Variants in PACS1 observed in about 807,000 individuals in gnomAD.
PACS1 encodes phosphofurin acidic cluster sorting protein 1, also known as PACS-1.
PACS1 carries 24 observed loss-of-function variants against 115.0 expected under a neutral mutation model. That is an observed-to-expected ratio of 0.21 (90% CI 0.15 to 0.29). PACS1 has a LOEUF of 0.29. Ranked by LOEUF, PACS1 falls within the 10% of genes least tolerant of loss-of-function variation. The probability of loss-of-function intolerance (pLI) is 1.00; values close to 1 mark genes in which losing one functional copy is unlikely to be tolerated. For synonymous variants in PACS1, 453 were observed against 504.5 expected (o/e 0.90, Z 1.37); for missense variants, 838 against 1,251.2 (o/e 0.67, Z 4.98).
intron 2 of PACS1, among the ~76,000 whole-genome samples, chr11:66,208,933 G>C (rs1855007613): frequency 6.6e-6 from 1 of 151,958 alleles, no homozygotes. Flanking sequence ...TGGATGTTGT[G>C]GGGTTTTTTT....
chr11:66,220,433 G>T (rs577672953), intron 8 of PACS1, 198 bp from the exon 9 acceptor site: 2 of 579,432 alleles, frequency 3.5e-6, no homozygotes, highest in East Asian at 2.9e-5. Context: ...GGCAGGAACT[G>T]GGGGGAAGGT....
intron 2 of PACS1, 139 bp downstream of exon 2, chr11:66,193,712 A>G: frequency 1.7e-6 from 1 of 583,578 alleles, no homozygotes; most frequent in South Asian, 2.4e-5. Context: ...TGGAAAGATA[A>G]CAGAGCTCAC....
At chr11:66,239,016 T>G (rs1590842897) in intron 20 of PACS1, 126 bp from the exon 21 acceptor site, 1 of 1,469,422 alleles carries the variant, frequency 6.8e-7, no homozygotes, top group Non-Finnish European at 9.4e-7. Flanking sequence ...CTGGGGGAGG[T>G]GGAAGGAGCC....
At chr11:66,168,750 ATATGTGTGTGTG>A (rs758782444) in intron 1 of PACS1, among the ~76,000 whole-genome samples, 1 of 142,652 alleles carries the variant, frequency 7.0e-6, no homozygotes, top group African/African-American at 2.8e-5. Flanking sequence ...GTATATATAT[ATATGTGTGTGTG>A]TGTGTGTGTG....
chr11:66,132,783 C>T (rs532733398), intron 1 of PACS1, among the ~76,000 whole-genome samples: 4 of 152,222 alleles, frequency 2.6e-5, no homozygotes, highest in African/African-American at 7.2e-5. Flanking sequence ...ATTCTCATGC[C>T]TTAGTCTGCT....
Position 66,242,899 on chromosome 11 carries a change from GC to G in PACS1, c.2657-12del. ...CAGGGGCTGGGACACAGGTGGCCTT[GC>G]TTGCTTTCCAGTTCCCACCATCTTC... On this transcript the variant is annotated splice_polypyrimidine_tract_variant and intron_variant, in intron 22 of 23. Transcript: ENST00000320580. 6.2e-7 allele frequency: 1 copy of G among 1,613,956 alleles called. No homozygotes were observed. The highest frequency in any genetic ancestry group is 8.5e-7 in the Non-Finnish European group (1 of 1,179,914).
At chr11:66,153,666 A>G (rs774477275) in intron 1 of PACS1, among the ~76,000 whole-genome samples, 14 of 152,140 alleles carry the variant, frequency 9.2e-5, no homozygotes, top group Admixed American at 2.6e-4. Flanking sequence ...CTGTAGTCCC[A>G]GCTACTCTGG....
At chr11:66,137,038 T>C (rs1858862781) in intron 1 of PACS1, among the ~76,000 whole-genome samples, 1 of 135,194 alleles carries the variant, frequency 7.4e-6, no homozygotes, top group Non-Finnish European at 1.6e-5. Context: ...CCCCCCACCA[T>C]TTCGTCATTT....
intron 1 of PACS1, among the ~76,000 whole-genome samples, chr11:66,122,412 G>C (rs987805626): frequency 2.6e-5 from 4 of 152,184 alleles, no homozygotes; most frequent in African/African-American, 9.7e-5. Context: ...AGCAGCCCAT[G>C]GATAAAGGAA....
At chr11:66,108,059 G>A (rs971422081) in intron 1 of PACS1, among the ~76,000 whole-genome samples, 5 of 152,158 alleles carry the variant, frequency 3.3e-5, no homozygotes, top group Non-Finnish European at 7.4e-5. Flanking sequence ...AACCCAGCAA[G>A]GCTCATTTTC....
chr11:66,196,373 C>T (rs1854650582), intron 2 of PACS1, among the ~76,000 whole-genome samples: 1 of 152,230 alleles, frequency 6.6e-6, no homozygotes, highest in African/African-American at 2.4e-5. Context: ...TTCTGCCTTG[C>T]AGCAAAGTTC....
In PACS1 at chr11:66,193,483, T is replaced by A. The variant is rs1854577293; in HGVS notation, c.357-3T>A. On this transcript the variant is annotated splice_polypyrimidine_tract_variant and splice_region_variant and intron_variant, in intron 1 of 23. Coordinates refer to ENST00000320580, the MANE Select transcript of PACS1 (RefSeq NM_018026.4). ...ACAGCATCTTCCTTCTCTGTTTTTC[T>A]AGGCTATTCAGCTTGACCCTGAAGA... The A allele has an allele frequency of 6.2e-7, 1 of 1,605,484 alleles. No individual in the cohort carries two copies. The highest frequency in any genetic ancestry group is 1.1e-5 in the South Asian group (1 of 90,900).
intron 10 of PACS1, among the ~76,000 whole-genome samples, chr11:66,223,573 C>T (rs138045253): frequency 2.0e-5 from 3 of 152,232 alleles, no homozygotes; most frequent in Non-Finnish European, 4.4e-5. Flanking sequence ...GCAAACCCTA[C>T]TGGGCAAACC....
chr11:66,071,972 C>G (rs1400818811), intron 1 of PACS1, among the ~76,000 whole-genome samples: 1 of 152,176 alleles, frequency 6.6e-6, no homozygotes, highest in African/African-American at 2.4e-5. Context: ...TCTGTTGAAG[C>G]TCTCAGGGTG....
chr11:66,152,567 A>C (rs531304967), intron 1 of PACS1, among the ~76,000 whole-genome samples: 1 of 152,254 alleles, frequency 6.6e-6, no homozygotes. Flanking sequence ...TAGGCATATC[A>C]TAGTCAAATT....
chr11:66,152,229 A>G (rs917117379), intron 1 of PACS1, among the ~76,000 whole-genome samples: 1 of 152,152 alleles, frequency 6.6e-6, no homozygotes, highest in Non-Finnish European at 1.5e-5. Context: ...ATGTCTCAAA[A>G]GAAAAAAAAA....
chr11:66,114,864 A>G (rs1158332433), intron 1 of PACS1, among the ~76,000 whole-genome samples: 4 of 152,142 alleles, frequency 2.6e-5, no homozygotes. Context: ...ATTTTCTTAC[A>G]GTTTGTATAC....
intron 4 of PACS1, among the ~76,000 whole-genome samples, chr11:66,212,306 T>TA (rs1855092011): frequency 1.3e-5 from 2 of 151,440 alleles, no homozygotes. Flanking sequence ...TAATTTTTTT[T>TA]TTTTTTTAGT....
intron 1 of PACS1, among the ~76,000 whole-genome samples, chr11:66,164,447 A>T (rs896341115): frequency 4.6e-5 from 7 of 150,598 alleles, no homozygotes; most frequent in Non-Finnish European, 1.0e-4. Context: ...TTAAAAAAAA[A>T]ATTTTTTTCA....
Sources: allele counts gnomAD v4.1 joint callset (sites outside exome capture counted in the v4.1 genomes callset), GRCh38; gene constraint gnomAD v4.1.1; transcripts MANE v1.5; gene names NCBI Gene and HGNC (gene_info 2026-07-23, HGNC 2026-07-21).